The following AP1M1 variants were observed in gnomAD, a reference collection of about 807,000 sequenced individuals.
AP1M1 encodes adaptor related protein complex 1 subunit mu 1.
AP1M1 carries 18 observed loss-of-function variants against 57.1 expected under a neutral mutation model. The ratio of observed to expected loss-of-function variants is 0.32; its 90% confidence interval spans 0.22 to 0.47. AP1M1 has a LOEUF of 0.47. AP1M1 is among the 20% of genes least tolerant of loss of function. The probability of loss-of-function intolerance (pLI) is 1.00; values close to 1 mark genes in which losing one functional copy is unlikely to be tolerated. For synonymous variants in AP1M1, 241 were observed against 237.9 expected (o/e 1.01, Z -0.12); for missense variants, 362 against 593.5 (o/e 0.61, Z 4.05).
Position 16,226,434 on chromosome 19 carries a change from G to A in AP1M1, c.560G>A (p.Gly187Asp). Reference protein sequence around the residue: ...ESVNLLVSANGNVLRSEIVGS... With the variant: ...ESVNLLVSANDNVLRSEIVGS... ...CGCCACCCCCAGGTCAGCGCCAACG[G>A]CAATGTCCTGCGCAGCGAGATCGTG... is the stretch of plus-strand genomic sequence containing the variant. The change falls in exon 6 of 12, where the codon GGC (glycine) becomes GAC (aspartate). Residue 187 changes from glycine (G) to aspartate (D), a missense_variant. By Grantham distance (94) the Gly-to-Asp change is moderately conservative. Coordinates refer to ENST00000291439, the MANE Select transcript of AP1M1 (RefSeq NM_032493.4). 1.3e-6 allele frequency: 2 copies of A among 1,549,528 alleles called. No individual in the cohort carries two copies. Among genetic ancestry groups the A allele is most frequent in the Admixed American group, 1.9e-5 (1 of 53,480 alleles).
chr19:16,225,492 T>G (rs2091567294), intron 5 of AP1M1, among the ~76,000 whole-genome samples: 1 of 152,184 alleles, frequency 6.6e-6, no homozygotes, highest in Admixed American at 6.5e-5. Flanking sequence ...ACCTCTAAAA[T>G]GGATGCAAGA....
intron 2 of AP1M1, among the ~76,000 whole-genome samples, chr19:16,204,947 C>T (rs1049675758): frequency 4.4e-4 from 43 of 98,084 alleles, no homozygotes; most frequent in Non-Finnish European, 8.5e-4. Context: ...TCTCCTGCCT[C>T]AGCCTCCCGA....
intron 5 of AP1M1, among the ~76,000 whole-genome samples, chr19:16,209,791 T>G (rs554818649): frequency 3.6e-4 from 55 of 152,284 alleles, no homozygotes; most frequent in African/African-American, 8.2e-4. Context: ...TGGTGGTGGT[T>G]GTTGTTTGGG....
rs1461259560 is a variant in AP1M1, at chr19:16,203,616, G to A, written c.199+1G>A. 5 of 1,601,186 alleles carry A rather than the reference G, an allele frequency of 3.1e-6. No individual in the cohort carries two copies. The highest frequency in any genetic ancestry group is 2.2e-5 in the East Asian group (1 of 44,678). ...TGGATCAAACACAACAACCTGTATCGTATCCCTTTGCTGGGGGTGCTCCCA... is the reference window on the plus strand; with the variant it reads ...TGGATCAAACACAACAACCTGTATCATATCCCTTTGCTGGGGGTGCTCCCA... On this transcript the variant is annotated splice_donor_variant, in intron 2 of 11. Transcript: ENST00000291439. LOFTEE classifies it high-confidence loss of function. The surrounding 1 kb of genome is among the most constrained non-coding windows in gnomAD (Gnocchi z 4.6).
At position 16,211,294 on chromosome 19, in the gene AP1M1, A is replaced by G. The variant is rs552331667; in HGVS notation, c.546+2117A>G. Among the ~76,000 whole-genome samples, 5 of 151,992 alleles carry G rather than the reference A, an allele frequency of 3.3e-5. No homozygotes were observed. In the East Asian group the frequency reaches 7.8e-4, roughly 24 times the overall value. On this transcript the variant is annotated intron_variant, in intron 5 of 11. Transcript: ENST00000291439. ...TTTTTAGTCGAGACAGGGTTTCACT[A>G]TGTTGGTCAGGGTGGTATCGAACTC... is the stretch of plus-strand genomic sequence containing the variant.
chr19:16,224,877 C>A (rs2091564343), intron 5 of AP1M1, among the ~76,000 whole-genome samples: 1 of 152,114 alleles, frequency 6.6e-6, no homozygotes, highest in South Asian at 2.1e-4. Flanking sequence ...CCTGAGCCTC[C>A]GCTTGCCCAC....
In AP1M1 at chr19:16,208,061, C is replaced by T. The variant is rs781418568; in HGVS notation, c.310C>T (p.Arg104Trp). ...CAAGGAGCTGGAGGAGGAGAGCATC[C>T]GGGACAACTTTGTTATCATCTACGA... ...YFKELEEESI[R>W]DNFVIIYELL... Residue 104 changes from arginine to tryptophan, a missense_variant, in exon 4 of 12, where the codon CGG becomes TGG. Around this residue, in one of 2 missense-constraint regions of AP1M1, gnomAD observed 337 missense variants for 511.1 expected, o/e 0.66. Transcript: ENST00000291439. 5.0e-6 allele frequency: 8 copies of T among 1,613,770 alleles called. No individual in the cohort carries two copies. The Admixed American group carries it at 6.7e-5, about 13-fold the overall frequency.
intron 5 of AP1M1, among the ~76,000 whole-genome samples, chr19:16,216,716 G>T (rs930575221): frequency 1.3e-5 from 2 of 152,176 alleles, no homozygotes; most frequent in African/African-American, 4.8e-5. Flanking sequence ...CTCAGCTTAG[G>T]ACTCCTGAAC....
At chr19:16,199,565 G>C in intron 1 of AP1M1, among the ~76,000 whole-genome samples, 1 of 152,180 alleles carries the variant, frequency 6.6e-6, no homozygotes, top group East Asian at 1.9e-4. Context: ...GCAGCTGAGA[G>C]TGAAGAGGTG....
At chr19:16,229,343 G>A (rs895874219) in intron 9 of AP1M1, among the ~76,000 whole-genome samples, 5 of 152,258 alleles carry the variant, frequency 3.3e-5, no homozygotes, top group African/African-American at 9.6e-5. Context: ...CCTGTAGGCC[G>A]GAGCAGCACA....
chr19:16,229,877 C>A (rs114183338), intron 9 of AP1M1, among the ~76,000 whole-genome samples: 1 of 152,178 alleles, frequency 6.6e-6, no homozygotes, highest in Non-Finnish European at 1.5e-5. Context: ...CGTGGCGCTG[C>A]GGCAGAGCGT....
intron 2 of AP1M1, among the ~76,000 whole-genome samples, chr19:16,204,686 C>T (rs1432878581): frequency 6.6e-6 from 1 of 152,180 alleles, no homozygotes; most frequent in African/African-American, 2.4e-5. Context: ...TCAGAATCTG[C>T]ATTGTAGGAA....
At chr19:16,226,620 G>T (rs2091572438) in intron 6 of AP1M1, 73 bp downstream of exon 6, 1 of 1,483,856 alleles carries the variant, frequency 6.7e-7, no homozygotes, top group Non-Finnish European at 9.0e-7. Context: ...CCTAGGGCAG[G>T]GTTGGGCCAG....
chr19:16,217,971 A>G (rs1355543554), intron 5 of AP1M1, among the ~76,000 whole-genome samples: 2 of 152,184 alleles, frequency 1.3e-5, no homozygotes, highest in East Asian at 1.9e-4. Context: ...ACAGTGTGCT[A>G]TGTCAGTTTG....
chr19:16,232,761 G>A (rs1307634446), intron 9 of AP1M1, among the ~76,000 whole-genome samples: 1 of 152,240 alleles, frequency 6.6e-6, no homozygotes, highest in Admixed American at 6.5e-5. Context: ...CTGGGGAGCA[G>A]AGACTGTGGG....
intron 9 of AP1M1, among the ~76,000 whole-genome samples, chr19:16,232,305 G>A (rs1407155543): frequency 1.3e-5 from 2 of 152,204 alleles, no homozygotes; most frequent in African/African-American, 2.4e-5. Context: ...TGTGTGAGCC[G>A]GCGCCAGCCT....
rs191588349 is a variant in AP1M1 at position 16,229,603 on chromosome 19, G to T, written c.1047+675G>T. 2.4e-4 allele frequency among the ~76,000 whole-genome samples: 36 copies of T among 152,292 alleles called. No individual in the cohort carries two copies. In the East Asian group the frequency reaches 3.7e-3, roughly 16 times the overall value. On this transcript the variant is annotated intron_variant, in intron 9 of 11. Coordinates refer to ENST00000291439, the MANE Select transcript of AP1M1 (RefSeq NM_032493.4). ...CTCTCTCTCCATCTGCATCCCAGGG[G>T]GACTTGGGGACAGCCCCAGCTGAGT...
Position 16,238,179 on chromosome 19 carries a change from G to A in AP1M1, c.*3744G>A, listed in dbSNP as rs1197409983. 1 of 152,124 alleles carries A rather than the reference G, an allele frequency of 6.6e-6. No individual in the cohort carries two copies. The highest frequency in any genetic ancestry group is 2.4e-5 in the African/African-American group (1 of 41,396). The allele number at this position is 152,124 out of a possible 1,614,324, so 9.4% of individuals were successfully genotyped here. ...AACGTGCTAGCTATGTACTGACTGT[G>A]GGAAAGTTGAGAACATCCTCCCTGA... On this transcript the variant is annotated 3_prime_UTR_variant, in exon 12 of 12. Coordinates refer to ENST00000291439, the MANE Select transcript of AP1M1 (RefSeq NM_032493.4).
At chr19:16,200,154 A>G (rs912622859) in intron 1 of AP1M1, among the ~76,000 whole-genome samples, 3 of 152,194 alleles carry the variant, frequency 2.0e-5, no homozygotes, top group African/African-American at 7.2e-5. Context: ...GGAGTCACCT[A>G]GAAGCAGAGA....
Sources: allele counts gnomAD v4.1 joint callset (sites outside exome capture counted in the v4.1 genomes callset), GRCh38; gene constraint gnomAD v4.1.1; regional missense constraint gnomAD v4.1.1; non-coding constraint Gnocchi (gnomAD v3.1); transcripts MANE v1.5; gene names NCBI Gene and HGNC (gene_info 2026-07-23, HGNC 2026-07-21).